The following WDR37 variants were observed in gnomAD, a reference collection of about 807,000 sequenced individuals.
WDR37 encodes the protein WD repeat domain 37, also known as WD repeat-containing protein 37.
In WDR37, 19 loss-of-function variants were observed where a neutral mutation model predicts 62.9. The ratio of observed to expected loss-of-function variants is 0.30; its 90% confidence interval spans 0.21 to 0.44. The LOEUF is 0.44. WDR37 is among the 20% of genes least tolerant of loss of function. The probability of loss-of-function intolerance (pLI) is 1.00; values close to 1 mark genes in which losing one functional copy is unlikely to be tolerated. For missense variants in WDR37, 474 were observed against 657.6 expected (o/e 0.72, Z 3.05); for synonymous variants, 250 against 260.9 (o/e 0.96, Z 0.40).
chr10:1,132,310 A>T lies in WDR37; in HGVS notation c.*2966A>T, dbSNP rs1201401895. 1 of 152,214 alleles carries T rather than the reference A, an allele frequency of 6.6e-6. No individual in the cohort carries two copies. Among genetic ancestry groups the T allele is most frequent in the African/African-American group, 2.4e-5 (1 of 41,464 alleles). 9.4% of individuals were successfully genotyped at this position (152,214 alleles called of 1,614,324 possible). On this transcript the variant is annotated 3_prime_UTR_variant, in exon 14 of 14. Coordinates refer to ENST00000263150, the MANE Select transcript of WDR37 (RefSeq NM_014023.4). The stretch of plus-strand genomic sequence containing the variant: ...TACTGGTCACTCGAAAAATTTTTAG[A>T]CTTAAAAAGTCAGTTGTGTTTTGTG...
chr10:1,074,372 G>A lies in WDR37; in HGVS notation c.138+2079G>A, dbSNP rs527365599. On this transcript the variant is annotated intron_variant, in intron 2 of 13. Transcript: ENST00000263150. ...TGCATCTCATGGTAACCCTCACGAA[G>A]GTAGCTCAGAGGTCTCCAAGCCGCA... The A allele has an allele frequency of 4.3e-5, 55 of 1,279,414 alleles. No homozygotes were observed. The African/African-American group carries it at 8.4e-4, about 19-fold the overall frequency. 79.3% of individuals were successfully genotyped at this position (1,279,414 alleles called of 1,614,324 possible).
intron 1 of WDR37, among the ~76,000 whole-genome samples, chr10:1,071,596 T>G (rs1171338084): frequency 1.3e-5 from 2 of 152,216 alleles, no homozygotes; most frequent in Admixed American, 6.5e-5. Context: ...TTCAAAGAGG[T>G]AATCATAAAA....
At chr10:1,091,816 A>G (rs747221906) in intron 7 of WDR37, among the ~76,000 whole-genome samples, 37 of 152,210 alleles carry the variant, frequency 2.4e-4, no homozygotes, top group Non-Finnish European at 5.0e-4. Flanking sequence ...CCACATGTCA[A>G]GCTATTCTGT....
intron 2 of WDR37, among the ~76,000 whole-genome samples, chr10:1,076,726 G>A (rs530118881): frequency 1.3e-5 from 2 of 149,126 alleles, no homozygotes; most frequent in Admixed American, 1.4e-4. Flanking sequence ...AAAAGTTTAT[G>A]CTATATGTAA....
At chr10:1,100,019 T>C (rs1010104181) in intron 9 of WDR37, among the ~76,000 whole-genome samples, 1 of 151,984 alleles carries the variant, frequency 6.6e-6, no homozygotes, top group Non-Finnish European at 1.5e-5. Flanking sequence ...TTCAAAGGAG[T>C]TAATGTATGG....
chr10:1,081,525 G>A (rs940292490), intron 5 of WDR37, among the ~76,000 whole-genome samples: 13 of 152,092 alleles, frequency 8.5e-5, no homozygotes, highest in African/African-American at 2.9e-4. Context: ...TCCTTCTGCC[G>A]TTTGTCCTCA....
intron 11 of WDR37, among the ~76,000 whole-genome samples, chr10:1,120,489 G>C (rs1589123118): frequency 6.6e-6 from 1 of 152,324 alleles, no homozygotes; most frequent in East Asian, 1.9e-4. Flanking sequence ...TTGTATCAGC[G>C]CTGTAACAGA....
chr10:1,073,148 G>T (rs1044409691), intron 2 of WDR37, among the ~76,000 whole-genome samples: 3 of 152,112 alleles, frequency 2.0e-5, no homozygotes, highest in Non-Finnish European at 4.4e-5. Context: ...AAAGAGTGTT[G>T]TGAAGTCTAG....
At chr10:1,119,278 G>A (rs1357361163) in intron 11 of WDR37, among the ~76,000 whole-genome samples, 2 of 152,202 alleles carry the variant, frequency 1.3e-5, no homozygotes, top group Non-Finnish European at 2.9e-5. Context: ...ACTGAGTCCA[G>A]GCACCACAGG....
intron 1 of WDR37, among the ~76,000 whole-genome samples, chr10:1,069,390 T>TATATATATA (rs1491098746): frequency 9.3e-4 from 44 of 47,102 alleles, no homozygotes; most frequent in East Asian, 3.2e-3. Flanking sequence ...TATATATATA[T>TATATATATA]TTTTTTTTTT....
chr10:1,087,838 T>C (rs1834250833), intron 7 of WDR37, among the ~76,000 whole-genome samples: 1 of 152,218 alleles, frequency 6.6e-6, no homozygotes, highest in Admixed American at 6.5e-5. Context: ...TTCGAAGGCA[T>C]GGATGTCTCC....
rs775738334 is a variant in WDR37, at chr10:1,125,001, C to T, written c.1330C>T (p.Arg444Trp). The T allele has an allele frequency of 9.3e-6, 15 of 1,614,060 alleles. No individual in the cohort carries two copies. Among genetic ancestry groups the T allele is most frequent in the Non-Finnish European group, 1.2e-5 (14 of 1,180,028 alleles). Residue 444 changes from arginine (R) to tryptophan (W), a missense_variant, in exon 13 of 14, where the codon CGG becomes TGG. By Grantham distance (101) the Arg-to-Trp change is moderately radical (BLOSUM62 -3). Transcript: ENST00000263150. ...TGATATGTCAGGAGTGCGCCTGGCG[C>T]GGCTTCCCCGGAGCAGCCGACAGGT... ...LFDMSGVRLA[R>W]LPRSSRQGHR...
chr10:1,124,697 G>T (rs548215564), intron 12 of WDR37, among the ~76,000 whole-genome samples: 1 of 151,374 alleles, frequency 6.6e-6, no homozygotes, highest in South Asian at 2.1e-4. Context: ...TGTGTGTATT[G>T]TGTGTATGTG....
intron 5 of WDR37, among the ~76,000 whole-genome samples, chr10:1,082,637 G>A (rs1834064812): frequency 6.6e-6 from 1 of 152,134 alleles, no homozygotes; most frequent in African/African-American, 2.4e-5. Context: ...TGGGCCTCTT[G>A]GTAATGACGA....
chr10:1,094,884 A>G (rs906832807), intron 8 of WDR37, among the ~76,000 whole-genome samples: 1 of 151,738 alleles, frequency 6.6e-6, no homozygotes, highest in African/African-American at 2.4e-5. Context: ...GAGGAGAGTT[A>G]CACTGGGAAA....
intron 7 of WDR37, among the ~76,000 whole-genome samples, chr10:1,092,872 C>CAAAAAAAAAAAAAAAAAAAAA (rs56220560): frequency 6.9e-4 from 29 of 41,976 alleles, no homozygotes; most frequent in East Asian, 1.9e-3. Context: ...CCCTATCTCA[C>CAAAAAAAAAAAAAAAAAAAAA]AAAAAAAAAA....
intron 1 of WDR37, among the ~76,000 whole-genome samples, chr10:1,066,182 C>G (rs1190296841): frequency 2.0e-5 from 3 of 152,086 alleles, no homozygotes; most frequent in African/African-American, 4.8e-5. Context: ...GTGGCGCGAT[C>G]TTGGCTCACT....
intron 7 of WDR37, among the ~76,000 whole-genome samples, chr10:1,089,685 CCGCAG>C (rs1834321112): frequency 2.0e-5 from 3 of 150,528 alleles, no homozygotes; most frequent in Non-Finnish European, 4.4e-5. Context: ...CCGTGCTCAC[CCGCAG>C]TTCGGCCTTC....
In WDR37 at chr10:1,131,869, T is replaced by A. The variant is rs1286710750; in HGVS notation, c.*2525T>A. 6.6e-6 allele frequency: 1 copy of A among 152,620 alleles called. No individual in the cohort carries two copies. The highest frequency in any genetic ancestry group is 1.5e-5 in the Non-Finnish European group (1 of 68,038). The allele number at this position is 152,620 out of a possible 1,614,324, so 9.5% of individuals were successfully genotyped here. A position where few individuals can be genotyped will look rare whatever the true frequency, so the allele number is the denominator to read the frequency against. On this transcript the variant is annotated 3_prime_UTR_variant, in exon 14 of 14. Coordinates refer to ENST00000263150, the MANE Select transcript of WDR37 (RefSeq NM_014023.4). Reference sequence around the variant, plus strand: ...ATGTGTGGTTACTGAAAACTGTATATGATACAGAATTTCATAAGAGCCATG... The same window carrying A: ...ATGTGTGGTTACTGAAAACTGTATAAGATACAGAATTTCATAAGAGCCATG...
Sources: gnomAD v4.1 joint callset for allele counts (sites outside exome capture counted in the v4.1 genomes callset) on GRCh38, gnomAD v4.1.1 for gene constraint, MANE v1.5 for transcripts, NCBI Gene and HGNC (gene_info 2026-07-23, HGNC 2026-07-21) for gene names.